Variants in LRBA observed in about 807,000 individuals in gnomAD.
LRBA encodes lipopolysaccharide-responsive and beige-like anchor protein.
In LRBA, 176 loss-of-function variants were observed where a neutral mutation model predicts 330.0. That is an observed-to-expected ratio of 0.53 (90% CI 0.47 to 0.60). The LOEUF (loss-of-function observed/expected upper bound fraction) is 0.60. Among genes scored for constraint, LRBA ranks in the 20% least tolerant of loss-of-function variants. LRBA has a pLI of 0.00. For missense variants in LRBA, 3,259 were observed against 3,444.8 expected, an observed-to-expected ratio of 0.95 and a Z score of 1.35; for synonymous variants, 1,230 against 1,193.0, an observed-to-expected ratio of 1.03 and a Z score of -0.64.
At chr4:150,997,160 T>C (rs1742747315) in intron 2 of LRBA, among the ~76,000 whole-genome samples, 1 of 152,242 alleles carries the variant, frequency 6.6e-6, no homozygotes, top group Admixed American at 6.5e-5. Flanking sequence ...CATTCAGCAC[T>C]ATAGAATAAA....
intron 47 of LRBA, among the ~76,000 whole-genome samples, chr4:150,356,222 T>G (rs1737826458): frequency 6.6e-6 from 1 of 152,102 alleles, no homozygotes; most frequent in Non-Finnish European, 1.5e-5. Flanking sequence ...ATTGAATATG[T>G]GGATCACATT....
At chr4:150,839,067 A>C (rs1748627085) in intron 28 of LRBA, among the ~76,000 whole-genome samples, 1 of 152,226 alleles carries the variant, frequency 6.6e-6, no homozygotes, top group African/African-American at 2.4e-5. Context: ...CCCATCAAAA[A>C]GTGGGCGAAG....
chr4:150,817,552 CA>C (rs1356693262), intron 30 of LRBA, among the ~76,000 whole-genome samples: 4 of 150,250 alleles, frequency 2.7e-5, no homozygotes, highest in African/African-American at 9.8e-5. Flanking sequence ...AAAATATAAC[CA>C]AAAGTATTAA....
rs78500462 is a variant in LRBA at position 150,724,508 on chromosome 4, C to T, written c.5754+10750G>A. ...AGACTACAATAAATACCTAACTCTT[C>T]AATGCTCATACACTGAAGAACATTA... On this transcript the variant is annotated intron_variant, in intron 36 of 56. Transcript: ENST00000651943. 2.2e-3 allele frequency among the ~76,000 whole-genome samples: 336 copies of T among 152,232 alleles called. 2 individuals carry two copies. Among genetic ancestry groups the T allele is most frequent in the Admixed American group, 3.5e-3 (54 of 15,282 alleles).
Position 150,928,999 on chromosome 4 carries a change from T to C in LRBA, c.283A>G (p.Met95Val), listed in dbSNP as rs149204587. 1.4e-5 allele frequency: 23 copies of C among 1,613,652 alleles called. No homozygotes were observed. The highest frequency in any genetic ancestry group is 2.7e-5 in the African/African-American group (2 of 74,812). ...TCACATTTTTCCAGTAGGTCCACCATGCAGTTAATACTCTCACCTTCTTGG... is the reference window on the plus strand; with the variant it reads ...TCACATTTTTCCAGTAGGTCCACCACGCAGTTAATACTCTCACCTTCTTGG... ...IIQEGESINC[M>V]VDLLEKCDIT... The change falls in exon 3 of 57, where the codon ATG (methionine) becomes GTG (valine). Residue 95 changes from methionine to valine, a missense_variant. Transcript: ENST00000651943.
chr4:150,312,954 A>G (rs990924185), intron 51 of LRBA, among the ~76,000 whole-genome samples: 5 of 151,900 alleles, frequency 3.3e-5, no homozygotes, highest in Admixed American at 1.3e-4. Context: ...TTATGTAAAT[A>G]AACATTTATT....
At chr4:150,973,516 A>C (rs1431363219) in intron 2 of LRBA, among the ~76,000 whole-genome samples, 1 of 152,210 alleles carries the variant, frequency 6.6e-6, no homozygotes, top group Admixed American at 6.5e-5. Context: ...TATCAAGTCC[A>C]ATCTTGTTCT....
intron 37 of LRBA, among the ~76,000 whole-genome samples, chr4:150,648,983 A>C (rs1411307032): frequency 6.6e-6 from 1 of 152,156 alleles, no homozygotes; most frequent in Non-Finnish European, 1.5e-5. Flanking sequence ...AAACAGTTCT[A>C]TGATAACCAG....
intron 2 of LRBA, among the ~76,000 whole-genome samples, chr4:150,993,538 T>C (rs1431029789): frequency 6.6e-6 from 1 of 152,126 alleles, no homozygotes; most frequent in Non-Finnish European, 1.5e-5. Flanking sequence ...AACCTCATTG[T>C]ATTAGTCCAT....
intron 40 of LRBA, among the ~76,000 whole-genome samples, chr4:150,551,485 C>G (rs1446315021): frequency 6.6e-6 from 1 of 151,848 alleles, no homozygotes; most frequent in Non-Finnish European, 1.5e-5. Flanking sequence ...CTGAGACCAG[C>G]CTGGGCAACA....
chr4:150,713,754 T>A (rs1361220282), intron 36 of LRBA, among the ~76,000 whole-genome samples: 1 of 152,126 alleles, frequency 6.6e-6, no homozygotes, highest in African/African-American at 2.4e-5. Context: ...TCACTTCTAG[T>A]TTGATGAAAT....
chr4:150,359,952 C>G (rs1296165758), intron 47 of LRBA, among the ~76,000 whole-genome samples: 1 of 150,728 alleles, frequency 6.6e-6, no homozygotes, highest in East Asian at 2.0e-4. Context: ...TGTACTCCAG[C>G]CTGGGTGACA....
intron 2 of LRBA, among the ~76,000 whole-genome samples, chr4:150,992,432 T>C (rs1396349167): frequency 6.6e-6 from 1 of 152,128 alleles, no homozygotes; most frequent in Admixed American, 6.5e-5. Flanking sequence ...ATTAGCCATG[T>C]GAGAGACAGT....
At position 150,735,344 on chromosome 4, in the gene LRBA, C is replaced by T. The variant is rs776726113; in HGVS notation, c.5668G>A (p.Asp1890Asn). The change falls in exon 36 of 57, where the codon GAT becomes AAT. Residue 1890 changes from aspartate (D) to asparagine (N), a missense_variant. By Grantham distance (23) the Asp-to-Asn change is conservative (BLOSUM62 1). Coordinates refer to ENST00000651943, the MANE Select transcript of LRBA (RefSeq NM_001364905.1). ...TCATTTGCTACTCTTACTAGATGAT[C>T]CTTCATTGTCTGGCTAAGCAACCTG... ...EGRLLSQTMK[D>N]HLVRVANEAE... The T allele has an allele frequency of 2.5e-6, 4 of 1,613,082 alleles. No homozygotes were observed. The highest frequency in any genetic ancestry group is 3.4e-6 in the Non-Finnish European group (4 of 1,179,268).
intron 46 of LRBA, 29 bp from the exon 47 acceptor site, chr4:150,415,619 T>C (rs2151952185): frequency 7.5e-7 from 1 of 1,338,368 alleles, no homozygotes; most frequent in Non-Finnish European, 1.1e-6. Flanking sequence ...CAATGTGATA[T>C]TATAAACTGT....
intron 37 of LRBA, among the ~76,000 whole-genome samples, chr4:150,632,750 T>A (rs1186185403): frequency 6.6e-6 from 1 of 152,186 alleles, no homozygotes; most frequent in Non-Finnish European, 1.5e-5. Context: ...ATCCAACAAC[T>A]AAGTCTCAGC....
Position 150,852,041 on chromosome 4 carries a change from T to C in LRBA, c.3669A>G (p.Lys1223=). The C allele has an allele frequency of 1.2e-6, 2 of 1,614,068 alleles. No homozygotes were observed. Among genetic ancestry groups the C allele is most frequent in the Non-Finnish European group, 1.7e-6 (2 of 1,179,966 alleles). Residue 1223 remains lysine (K), a synonymous_variant, in exon 23 of 57, where the codon AAA becomes AAG. Transcript: ENST00000651943. ...KKATNLTRET[K]LINDCHGSVS... ...CACTACCATGACAATCATTAATTAA[T>C]TTGGTTTCTCTAGTGAGGTTAGTTG...
At chr4:150,935,939 T>C (rs1409302175) in intron 2 of LRBA, among the ~76,000 whole-genome samples, 8 of 151,546 alleles carry the variant, frequency 5.3e-5, no homozygotes, top group Non-Finnish European at 8.8e-5. Context: ...TATAAGAAAT[T>C]CTCAAAGAGT....
intron 46 of LRBA, among the ~76,000 whole-genome samples, chr4:150,432,453 C>CTTTTTTTTTT (rs35393002): frequency 1.1e-4 from 11 of 98,426 alleles, no homozygotes; most frequent in Non-Finnish European, 1.5e-4. Flanking sequence ...TAAGTGTGTT[C>CTTTTTTTTTT]TTTTTTTTTT....
Sources: allele counts gnomAD v4.1 joint callset (sites outside exome capture counted in the v4.1 genomes callset), GRCh38; gene constraint gnomAD v4.1.1; transcripts MANE v1.5; gene names NCBI Gene and HGNC (gene_info 2026-07-23, HGNC 2026-07-21).